Variants in PLCG2 observed in about 807,000 individuals in gnomAD.
PLCG2 encodes the protein 1-phosphatidylinositol 4,5-bisphosphate phosphodiesterase gamma-2.
PLCG2 carries 69 observed loss-of-function variants against 175.6 expected under a neutral mutation model. That is an observed-to-expected ratio of 0.39 (90% CI 0.32 to 0.48). The LOEUF is 0.48. PLCG2 is among the 20% of genes least tolerant of loss of function. The pLI is 0.91. For synonymous variants in PLCG2, 827 were observed against 624.0 expected (o/e 1.33, Z -4.85); for missense variants, 1,798 against 1,650.9 (o/e 1.09, Z -1.54).
Position 81,946,240 on chromosome 16 carries a change from T to G in PLCG2, c.3547T>G (p.Phe1183Val). Residue 1183 changes from phenylalanine to valine, a missense_variant, in exon 31 of 33, where the codon TTC (phenylalanine) becomes GTC (valine). Phe to Val is a conservative substitution (Grantham distance 50). Coordinates refer to ENST00000564138, the MANE Select transcript of PLCG2 (RefSeq NM_002661.5). ...CATAGAGCTGGCTTCCCTCCTGGTT[T>G]TCTGTGAGATGCGGCCAGTCCTGGT... ...EDIELASLLV[F>V]CEMRPVLESE... 6.2e-7 allele frequency: 1 copy of G among 1,613,808 alleles called. No individual in the cohort carries two copies. The highest frequency in any genetic ancestry group is 1.3e-5 in the African/African-American group (1 of 75,022).
At chr16:81,856,572 T>C (rs1043718870) in intron 3 of PLCG2, among the ~76,000 whole-genome samples, 1 of 152,180 alleles carries the variant, frequency 6.6e-6, no homozygotes, top group African/African-American at 2.4e-5. Flanking sequence ...GACAGCTGCT[T>C]AGGGTTGTGG....
intron 25 of PLCG2, among the ~76,000 whole-genome samples, chr16:81,933,203 G>C (rs1036095611): frequency 6.6e-6 from 1 of 152,182 alleles, no homozygotes; most frequent in African/African-American, 2.4e-5. Context: ...TCATGAGAAT[G>C]ATTTTTAAAG....
Position 81,958,886 on chromosome 16 carries a change from T to C in PLCG2, c.*888T>C, listed in dbSNP as rs1911678142. The C allele has an allele frequency of 4.5e-6, 1 of 219,916 alleles. No homozygotes were observed. Among genetic ancestry groups the C allele is most frequent in the Non-Finnish European group, 9.1e-6 (1 of 109,608 alleles). 13.6% of individuals were successfully genotyped at this position (219,916 alleles called of 1,614,324 possible). ...AAGAGGTAGACAAAAGTTAGGTTGATGGCGAAATGTCTCTGGGTTACCCAG... is the reference window on the plus strand; with the variant it reads ...AAGAGGTAGACAAAAGTTAGGTTGACGGCGAAATGTCTCTGGGTTACCCAG... On this transcript the variant is annotated 3_prime_UTR_variant, in exon 33 of 33. Coordinates refer to ENST00000564138, the MANE Select transcript of PLCG2 (RefSeq NM_002661.5).
chr16:81,796,849 A>T (rs182071302), intron 2 of PLCG2, among the ~76,000 whole-genome samples: 10 of 152,334 alleles, frequency 6.6e-5, no homozygotes, highest in African/African-American at 2.2e-4. Flanking sequence ...ACTGTGAGAC[A>T]AACTTCTGTT....
At chr16:81,895,688 G>T in intron 12 of PLCG2, 119 bp from the exon 13 acceptor site, 1 of 1,117,164 alleles carries the variant, frequency 9.0e-7, no homozygotes, top group Non-Finnish European at 1.3e-6. Context: ...GTTGGCAGCC[G>T]AATGGAGGGA....
chr16:81,946,516 G>A (rs1464559902), intron 31 of PLCG2, among the ~76,000 whole-genome samples: 2 of 152,078 alleles, frequency 1.3e-5, no homozygotes, highest in African/African-American at 2.4e-5. Context: ...GCCGGTACTT[G>A]TAAGTTCCCC....
intron 21 of PLCG2, 96 bp from the exon 22 acceptor site, chr16:81,923,389 C>G: frequency 1.4e-6 from 1 of 698,416 alleles, no homozygotes; most frequent in Non-Finnish European, 2.5e-6. Flanking sequence ...GCCTCCTGCT[C>G]CCCAATGAGA....
chr16:81,880,489 G>A (rs1283895896), intron 7 of PLCG2, among the ~76,000 whole-genome samples: 2 of 152,150 alleles, frequency 1.3e-5, no homozygotes, highest in African/African-American at 4.8e-5. Context: ...CAAGTGACAT[G>A]CTTATTGTGG....
intron 7 of PLCG2, among the ~76,000 whole-genome samples, chr16:81,874,214 C>G (rs919175479): frequency 1.3e-5 from 2 of 152,122 alleles, no homozygotes; most frequent in Admixed American, 6.6e-5. Flanking sequence ...GGAAAAAAAT[C>G]GAGATCTGGC....
chr16:81,850,823 C>G (rs13334467), intron 2 of PLCG2, among the ~76,000 whole-genome samples: 2,408 of 152,264 alleles, frequency 0.016, 60 homozygotes, highest in African/African-American at 0.054. Flanking sequence ...TATAATGCAG[C>G]CAAGGTGGAG....
chr16:81,868,156 C>A (rs1907338123), intron 5 of PLCG2, among the ~76,000 whole-genome samples: 1 of 152,194 alleles, frequency 6.6e-6, no homozygotes, highest in Non-Finnish European at 1.5e-5. Flanking sequence ...TGACACCCCA[C>A]CCTTGGCTGT....
At chr16:81,832,558 T>TTGTG (rs139075792) in intron 2 of PLCG2, among the ~76,000 whole-genome samples, 5 of 151,852 alleles carry the variant, frequency 3.3e-5, no homozygotes, top group African/African-American at 9.7e-5. Context: ...CCCAGCTAAT[T>TTGTG]TGTGTGTGTG....
chr16:81,804,026 A>T (rs1446088814), intron 2 of PLCG2, among the ~76,000 whole-genome samples: 1 of 152,174 alleles, frequency 6.6e-6, no homozygotes, highest in Non-Finnish European at 1.5e-5. Context: ...ATTCATGTAC[A>T]AGTTTTTGTG....
chr16:81,858,616 G>T lies in PLCG2; in HGVS notation c.431+260G>T, dbSNP rs1567502056. ...TTGGACTCGAGATAGAAACATTCCT[G>T]GGGTATGTGCTGGGGGAAAACAGGG... is the stretch of plus-strand genomic sequence containing the variant. On this transcript the variant is annotated intron_variant, in intron 4 of 32. Transcript: ENST00000564138. 2.0e-5 allele frequency among the ~76,000 whole-genome samples: 3 copies of T among 152,100 alleles called. No homozygotes were observed. In the South Asian group the frequency reaches 6.2e-4, roughly 32 times the overall value.
intron 2 of PLCG2, among the ~76,000 whole-genome samples, chr16:81,826,942 C>G (rs1180393963): frequency 6.6e-6 from 1 of 152,176 alleles, no homozygotes; most frequent in Non-Finnish European, 1.5e-5. Context: ...AGCCTCCTGC[C>G]TCCTGTGGAT....
chr16:81,859,092 C>T (rs1420798978), intron 4 of PLCG2, 24 bp from the exon 5 acceptor site: 10 of 1,468,166 alleles, frequency 6.8e-6, no homozygotes, highest in Non-Finnish European at 9.6e-6. Flanking sequence ...TTCTCTCTTT[C>T]TTTTGTCTCA....
At chr16:81,851,612 A>G (rs1389006758) in intron 2 of PLCG2, among the ~76,000 whole-genome samples, 1 of 152,142 alleles carries the variant, frequency 6.6e-6, no homozygotes, top group Non-Finnish European at 1.5e-5. Flanking sequence ...TCCCGAGTTC[A>G]GGCGATTCTT....
chr16:81,760,300 G>T (rs1052554060), intron 2 of PLCG2, among the ~76,000 whole-genome samples: 2 of 152,150 alleles, frequency 1.3e-5, no homozygotes, highest in African/African-American at 4.8e-5. Context: ...ACAGAGCATG[G>T]CTGGTTCTGC....
At chr16:81,914,931 G>A (rs1477443289) in intron 19 of PLCG2, among the ~76,000 whole-genome samples, 1 of 152,180 alleles carries the variant, frequency 6.6e-6, no homozygotes, top group Non-Finnish European at 1.5e-5. Context: ...GTATTTGGAT[G>A]TTGAACTTCC....
Sources: gnomAD v4.1 joint callset for allele counts (sites outside exome capture counted in the v4.1 genomes callset) on GRCh38, gnomAD v4.1.1 for gene constraint, MANE v1.5 for transcripts, NCBI Gene and HGNC (gene_info 2026-07-23, HGNC 2026-07-21) for gene names.